The following ITSN2 variants were observed in gnomAD, a reference collection of about 807,000 sequenced individuals.
ITSN2 encodes the protein intersectin-2.
A neutral mutation model predicts 243.7 loss-of-function variants in ITSN2; 156 were observed. The observed-to-expected ratio is 0.64, with a 90% CI of 0.56 to 0.73. The LOEUF is 0.73. Ranked by LOEUF, ITSN2 falls within the 30% of genes least tolerant of loss-of-function variation. The probability of loss-of-function intolerance (pLI) is 0.00; values close to 1 mark genes in which losing one functional copy is unlikely to be tolerated. For synonymous variants in ITSN2, 703 were observed against 699.9 expected (o/e 1.00, Z -0.07); for missense variants, 1,801 against 1,996.1 (o/e 0.90, Z 1.86).
rs762338180 is a variant in ITSN2, at chr2:24,216,207, C to T, written c.3832G>A (p.Gly1278Arg). 6.7e-5 allele frequency: 108 copies of T among 1,605,698 alleles called. No individual in the cohort carries two copies. Among genetic ancestry groups the T allele is most frequent in the Non-Finnish European group, 7.9e-5 (93 of 1,176,188 alleles). ...ATCTGCACCGGCATCTTCTCGCCCC[C>T]GGTCTTCTTCCGCACCCGCAAAGCC... Reference protein sequence around the residue: ...LKALRVRKKTGGEKMPVQMIG... With the variant: ...LKALRVRKKTRGEKMPVQMIG... The change falls in exon 32 of 40, where the codon GGG (glycine) becomes AGG (arginine). Residue 1278 changes from glycine (G) to arginine (R), a missense_variant. Physicochemically the swap from Gly to Arg is moderately radical, Grantham distance 125. Coordinates refer to ENST00000355123, the MANE Select transcript of ITSN2 (RefSeq NM_006277.3).
At chr2:24,268,673 T>C (rs1005861260) in intron 20 of ITSN2, among the ~76,000 whole-genome samples, 5 of 152,154 alleles carry the variant, frequency 3.3e-5, no homozygotes, top group African/African-American at 1.2e-4. Flanking sequence ...CAGTTATTTA[T>C]ACTCTTTCCA....
chr2:24,243,533 C>T (rs1294529272), intron 29 of ITSN2, among the ~76,000 whole-genome samples: 1 of 152,056 alleles, frequency 6.6e-6, no homozygotes, highest in Non-Finnish European at 1.5e-5. Flanking sequence ...ACTCTGTTAC[C>T]CAGGCTGGAG....
chr2:24,204,536 CA>C lies in ITSN2; in HGVS notation c.4763-119del. On this transcript the variant is annotated intron_variant, in intron 38 of 39. Transcript: ENST00000355123. This position sits in a 1 kb window ranked among gnomAD's most constrained non-coding sequence, Gnocchi z 5.1. ...AATGGGTCACTCGAGACCATGGCAG[CA>C]GGAGCCGCTGCCTGGGGCACCATAT... The C allele has an allele frequency of 2.1e-5, 19 of 911,804 alleles. No individual in the cohort carries two copies. The highest frequency in any genetic ancestry group is 3.1e-5 in the Non-Finnish European group (17 of 553,332). 56.5% of individuals were successfully genotyped at this position (911,804 alleles called of 1,614,324 possible).
chr2:24,307,465 T>C (rs1356374693), intron 8 of ITSN2, among the ~76,000 whole-genome samples: 2 of 152,172 alleles, frequency 1.3e-5, no homozygotes, highest in African/African-American at 4.8e-5. Flanking sequence ...AGTATATATG[T>C]AAGCTAAGAA....
At chr2:24,333,627 T>C (rs1360749661) in intron 1 of ITSN2, among the ~76,000 whole-genome samples, 1 of 152,242 alleles carries the variant, frequency 6.6e-6, no homozygotes, top group East Asian at 1.9e-4. Context: ...CATTGTTCCC[T>C]TTGTAGAAAC....
chr2:24,337,570 T>G (rs1241202242), intron 1 of ITSN2, among the ~76,000 whole-genome samples: 1 of 149,856 alleles, frequency 6.7e-6, no homozygotes, highest in Non-Finnish European at 1.5e-5. Context: ...CAGGCTGGTC[T>G]TGAACTCCTG....
intron 2 of ITSN2, among the ~76,000 whole-genome samples, chr2:24,327,057 A>T (rs1032191953): frequency 6.6e-6 from 1 of 151,930 alleles, no homozygotes; most frequent in African/African-American, 2.4e-5. Flanking sequence ...CTATTTCCTG[A>T]TATTTATCTA....
intron 1 of ITSN2, among the ~76,000 whole-genome samples, chr2:24,344,765 A>G (rs1168953859): frequency 6.6e-6 from 1 of 152,202 alleles, no homozygotes; most frequent in Non-Finnish European, 1.5e-5. Flanking sequence ...CAGCCTGTCC[A>G]ACATGGTAAA....
chr2:24,216,105 C>T lies in ITSN2; in HGVS notation c.3934G>A (p.Ala1312Thr). Residue 1312 changes from alanine (A) to threonine (T), a missense_variant, in exon 32 of 40, where the codon GCA becomes ACA. Ala to Thr is a moderately conservative substitution (Grantham distance 58). Around this residue, in one of 5 missense-constraint regions of ITSN2, gnomAD observed 928 missense variants for 1,065.4 expected, o/e 0.87. Coordinates refer to ENST00000355123, the MANE Select transcript of ITSN2 (RefSeq NM_006277.3). ...TCTGTCTTCTGCTGTAACAGAGCTG[C>T]TCCATTAAGCTGGCAGCTGCAGAAC... ...IRFCSCQLNG[A>T]ALLQQKTDED... is the part of the protein sequence containing the mutation. The T allele has an allele frequency of 6.2e-7, 1 of 1,612,856 alleles. No homozygotes were observed. The highest frequency in any genetic ancestry group is 8.5e-7 in the Non-Finnish European group (1 of 1,179,406).
intron 22 of ITSN2, among the ~76,000 whole-genome samples, chr2:24,259,073 G>C (rs917090967): frequency 2.6e-5 from 4 of 152,072 alleles, no homozygotes; most frequent in Non-Finnish European, 4.4e-5. Context: ...CTGCCTACTG[G>C]GTGTTTCTAC....
intron 8 of ITSN2, among the ~76,000 whole-genome samples, chr2:24,305,960 T>C (rs997977711): frequency 6.6e-6 from 1 of 152,190 alleles, no homozygotes; most frequent in African/African-American, 2.4e-5. Context: ...CAAAGCGTAC[T>C]ACTCTTAAGT....
At chr2:24,306,892 G>A (rs796531785) in intron 8 of ITSN2, among the ~76,000 whole-genome samples, 6 of 151,464 alleles carry the variant, frequency 4.0e-5, no homozygotes, top group South Asian at 4.2e-4. Context: ...TGCAACCTCC[G>A]CCTCCTAGGT....
At chr2:24,219,126 C>T (rs1383409213) in intron 30 of ITSN2, among the ~76,000 whole-genome samples, 2 of 152,168 alleles carry the variant, frequency 1.3e-5, no homozygotes, top group African/African-American at 4.8e-5. Flanking sequence ...TGTCCTTGTC[C>T]AAAACATAAC....
At chr2:24,354,782 G>A (rs968126612) in intron 1 of ITSN2, among the ~76,000 whole-genome samples, 25 of 152,134 alleles carry the variant, frequency 1.6e-4, no homozygotes, top group South Asian at 8.3e-4. Flanking sequence ...ATACGCATTC[G>A]TGAAGAAAAT....
chr2:24,313,983 G>C (rs1453253873), intron 3 of ITSN2, among the ~76,000 whole-genome samples: 1 of 152,098 alleles, frequency 6.6e-6, no homozygotes, highest in East Asian at 1.9e-4. Context: ...CTCAGAATTG[G>C]GTTTGTAATG....
At chr2:24,319,376 T>C (rs558301865) in intron 2 of ITSN2, among the ~76,000 whole-genome samples, 20 of 152,330 alleles carry the variant, frequency 1.3e-4, no homozygotes, top group African/African-American at 4.6e-4. Context: ...CCCTGTAGCC[T>C]TCTTCTGCAA....
At chr2:24,226,117 TTCTGTAATA>T (rs1671006783) in intron 29 of ITSN2, among the ~76,000 whole-genome samples, 3 of 152,196 alleles carry the variant, frequency 2.0e-5, no homozygotes, top group Admixed American at 6.5e-5. Flanking sequence ...TCTAACACAT[TTCTGTAATA>T]GCAAGCTGAG....
At position 24,299,987 on chromosome 2, in the gene ITSN2, T is replaced by TA; in HGVS notation, c.1265dup (p.Leu422PhefsTer34). ...CCCGTTGCTTCTCTAAGCGTTTTTC[T>TA]AATTCAAGTTGTTTCTTCCATTCTT... is the stretch of plus-strand genomic sequence containing the variant. On this transcript the variant is annotated frameshift_variant, in exon 12 of 40. Transcript: ENST00000355123. LOFTEE classifies it high-confidence loss of function. 1 of 1,614,164 alleles carries TA rather than the reference T, an allele frequency of 6.2e-7. No homozygotes were observed. The highest frequency in any genetic ancestry group is 8.5e-7 in the Non-Finnish European group (1 of 1,179,974).
chr2:24,310,571 T>C lies in ITSN2; in HGVS notation c.474A>G (p.Leu158=), dbSNP rs1358925391. 3 of 1,613,958 alleles carry C rather than the reference T, an allele frequency of 1.9e-6. No individual in the cohort carries two copies. Among genetic ancestry groups the C allele is most frequent in the Non-Finnish European group, 2.5e-6 (3 of 1,180,002 alleles). Residue 158 remains leucine, a synonymous_variant, in exon 6 of 40, where the codon CTA becomes CTG. Coordinates refer to ENST00000355123, the MANE Select transcript of ITSN2 (RefSeq NM_006277.3). Reference sequence around the variant, plus strand: ...ATGATGATGTGCTAACAGAAGGCACTAGGGGAGTGGGCATCATTAAGGGAG... The same window carrying C: ...ATGATGATGTGCTAACAGAAGGCACCAGGGGAGTGGGCATCATTAAGGGAG... ...NLPPLMMPTP[L]VPSVSTSSLP... is the part of the protein sequence containing the mutation.
Sources: allele counts gnomAD v4.1 joint callset (sites outside exome capture counted in the v4.1 genomes callset), GRCh38; gene constraint gnomAD v4.1.1; regional missense constraint gnomAD v4.1.1; non-coding constraint Gnocchi (gnomAD v3.1); transcripts MANE v1.5; gene names NCBI Gene and HGNC (gene_info 2026-07-23, HGNC 2026-07-21).